The following PNKD variants were observed in gnomAD, a reference collection of about 807,000 sequenced individuals.
PNKD encodes the protein PNKD metallo-beta-lactamase domain containing, also known as probable thioesterase PNKD.
A neutral mutation model predicts 45.3 loss-of-function variants in PNKD; 36 were observed. That is an observed-to-expected ratio of 0.80 (90% CI 0.61 to 1.05). The LOEUF is 1.05. Ranked by LOEUF, PNKD falls within the 50% of genes least tolerant of loss-of-function variation. PNKD has a pLI of 0.00. For synonymous variants in PNKD, 197 were observed against 210.1 expected, an observed-to-expected ratio of 0.94 and a Z score of 0.54; for missense variants, 511 against 506.6, an observed-to-expected ratio of 1.01 and a Z score of -0.08.
At chr2:218,302,968 C>T (rs1207686063) in intron 2 of PNKD, among the ~76,000 whole-genome samples, 1 of 152,012 alleles carries the variant, frequency 6.6e-6, no homozygotes, top group Non-Finnish European at 1.5e-5. Flanking sequence ...TTTATGGAGT[C>T]TCACTCTGTT....
chr2:218,273,479 ATTT>A (rs10562640), intron 2 of PNKD, among the ~76,000 whole-genome samples: 38,395 of 95,536 alleles, frequency 0.4, 4,762 homozygotes, highest in Middle Eastern at 0.59. Context: ...TTTTTTACTT[ATTT>A]TTTTTTTTTT....
rs1252466736 is a variant in PNKD, at chr2:218,272,767, C to T, written c.236+1218C>T. ...GGGTCTGGGGTGCAGACCTGAGGAG[C>T]GCTGCGACCCTCCTAGGCTATTGAC... On this transcript the variant is annotated intron_variant, in intron 2 of 9. Coordinates refer to ENST00000273077, the MANE Select transcript of PNKD (RefSeq NM_015488.5). 2.5e-6 allele frequency: 4 copies of T among 1,614,050 alleles called. No individual in the cohort carries two copies. In the East Asian group the frequency reaches 8.9e-5, roughly 36 times the overall value.
At position 218,303,069 on chromosome 2, in the gene PNKD, A is replaced by C. The variant is rs147664301; in HGVS notation, c.236+31520A>C. Among the ~76,000 whole-genome samples the C allele has an allele frequency of 3.9e-3, 595 of 152,220 alleles. 5 individuals are homozygous for C. Among genetic ancestry groups the C allele is most frequent in the African/African-American group, 0.011 (474 of 41,522 alleles). On this transcript the variant is annotated intron_variant, in intron 2 of 9. Coordinates refer to ENST00000273077, the MANE Select transcript of PNKD (RefSeq NM_015488.5). ...ATTCTTCTGCCTCAGCCTCCCAAGT[A>C]GCTGGGATTACAGGTGCCCACCACC...
At chr2:218,336,788 C>CTTTTTTTTTTTTTTTTTTTTTTTTT (rs71064439) in intron 2 of PNKD, among the ~76,000 whole-genome samples, 1 of 29,158 alleles carries the variant, frequency 3.4e-5, no homozygotes. Context: ...GCCTTCAATT[C>CTTTTTTTTTTTTTTTTTTTTTTTTT]TTTTTTTTTT....
At chr2:218,314,615 T>C (rs2106264527) in intron 2 of PNKD, among the ~76,000 whole-genome samples, 1 of 152,300 alleles carries the variant, frequency 6.6e-6, no homozygotes, top group Middle Eastern at 3.4e-3. Flanking sequence ...TTAATTGAGG[T>C]CATTGTGTTT....
At chr2:218,329,137 A>C (rs1042240282) in intron 2 of PNKD, among the ~76,000 whole-genome samples, 1 of 152,224 alleles carries the variant, frequency 6.6e-6, no homozygotes, top group Non-Finnish European at 1.5e-5. Context: ...TCAAACTGGG[A>C]GGCAGAGGTT....
chr2:218,344,596 G>T, intron 9 of PNKD, 26 bp downstream of exon 9: 5 of 1,571,340 alleles, frequency 3.2e-6, no homozygotes, highest in Non-Finnish European at 4.4e-6. Context: ...TCCAGGAGGA[G>T]CTGTGTGGGC....
intron 2 of PNKD, chr2:218,278,482 C>G (rs1267764604): frequency 3.1e-6 from 5 of 1,608,670 alleles, no homozygotes; most frequent in Admixed American, 1.7e-5. Flanking sequence ...ATCCCTGTCA[C>G]CCCTCTCACT....
At chr2:218,323,517 G>A (rs1694056605) in intron 2 of PNKD, 3 of 1,232,776 alleles carry the variant, frequency 2.4e-6, no homozygotes, top group Non-Finnish European at 3.2e-6. Flanking sequence ...GGAGCTGGGG[G>A]TGGGCGTGGC....
chr2:218,334,876 C>T (rs1694442677), intron 2 of PNKD: 3 of 641,500 alleles, frequency 4.7e-6, no homozygotes, highest in South Asian at 3.6e-5. Context: ...TCCTCTTTCT[C>T]ATCATACTTG....
intron 8 of PNKD, among the ~76,000 whole-genome samples, chr2:218,344,132 A>G (rs370711675): frequency 6.6e-6 from 1 of 152,138 alleles, no homozygotes; most frequent in African/African-American, 2.4e-5. Flanking sequence ...CCACTTGCCA[A>G]ATGAGAAAAT....
chr2:218,322,991 G>T (rs1694030697), intron 2 of PNKD, among the ~76,000 whole-genome samples: 1 of 152,058 alleles, frequency 6.6e-6, no homozygotes, highest in South Asian at 2.1e-4. Context: ...AGGCGACTGT[G>T]GACCCCGATC....
intron 2 of PNKD, among the ~76,000 whole-genome samples, chr2:218,337,075 C>G (rs988573909): frequency 6.6e-6 from 1 of 151,580 alleles, no homozygotes; most frequent in African/African-American, 2.4e-5. Context: ...GCTGGGATTA[C>G]AGGTGTGTGC....
chr2:218,335,883 C>T (rs549301974), intron 2 of PNKD, among the ~76,000 whole-genome samples: 2 of 152,256 alleles, frequency 1.3e-5, no homozygotes, highest in South Asian at 2.1e-4. Context: ...GTCTGAAGAG[C>T]GGCTGCCCCT....
intron 2 of PNKD, among the ~76,000 whole-genome samples, chr2:218,336,025 G>A (rs1470651946): frequency 2.0e-5 from 3 of 151,718 alleles, no homozygotes; most frequent in Admixed American, 6.6e-5. Context: ...GACCATCTTG[G>A]CCAACATGGT....
rs745834635 is a variant in PNKD at position 218,340,910 on chromosome 2, G to T, written c.524+124G>T. The T allele has an allele frequency of 6.0e-5, 48 of 793,632 alleles. No homozygotes were observed. Among genetic ancestry groups the T allele is most frequent in the Admixed American group, 2.9e-4 (16 of 54,764 alleles). The allele number at this position is 793,632 out of a possible 1,614,324, so 49.2% of individuals were successfully genotyped here. ...GTACGGGCCGGCACCCGCCTTCCTCGTGAAGTCACCTGGACACCAGCAGGG... is the reference window on the plus strand; with the variant it reads ...GTACGGGCCGGCACCCGCCTTCCTCTTGAAGTCACCTGGACACCAGCAGGG... On this transcript the variant is annotated intron_variant, in intron 5 of 9. Transcript: ENST00000273077. This position sits in a 1 kb window ranked among gnomAD's most constrained non-coding sequence, Gnocchi z 4.2.
chr2:218,288,843 G>T (rs543711113), intron 2 of PNKD, among the ~76,000 whole-genome samples: 22 of 152,212 alleles, frequency 1.4e-4, no homozygotes, highest in African/African-American at 4.8e-4. Flanking sequence ...TGTCAAAATG[G>T]TCCCATTTTG....
intron 2 of PNKD, chr2:218,282,133 G>T: frequency 2.6e-6 from 4 of 1,510,052 alleles, no homozygotes; most frequent in Non-Finnish European, 3.5e-6. Flanking sequence ...GGGCGCTGGG[G>T]TTGGACATGG....
chr2:218,298,942 G>A (rs556030258), intron 2 of PNKD, among the ~76,000 whole-genome samples: 1 of 152,110 alleles, frequency 6.6e-6, no homozygotes, highest in South Asian at 2.1e-4. Context: ...GATATTAGCT[G>A]CCTGAGAACC....
Sources: allele counts gnomAD v4.1 joint callset (sites outside exome capture counted in the v4.1 genomes callset), GRCh38; gene constraint gnomAD v4.1.1; non-coding constraint Gnocchi (gnomAD v3.1); transcripts MANE v1.5; gene names NCBI Gene and HGNC (gene_info 2026-07-23, HGNC 2026-07-21).